Variants in DTX1 observed in about 807,000 individuals in gnomAD.
DTX1 encodes E3 ubiquitin-protein ligase DTX1.
Under a neutral mutation model 57.8 loss-of-function variants are expected in DTX1, and 26 were observed. The observed-to-expected ratio is 0.45, with a 90% CI of 0.33 to 0.62. The LOEUF (loss-of-function observed/expected upper bound fraction) is 0.62, where lower values mean the gene tolerates loss of function less well. Ranked by LOEUF, DTX1 falls within the 20% of genes least tolerant of loss-of-function variation. The pLI is 0.02. For missense variants in DTX1, 704 were observed against 895.3 expected, an observed-to-expected ratio of 0.79 and a Z score of 2.73; for synonymous variants, 398 against 394.1, an observed-to-expected ratio of 1.01 and a Z score of -0.12.
Position 113,093,152 on chromosome 12 carries a change from C to G in DTX1, c.942-10C>G, listed in dbSNP as rs1470264311. The stretch of plus-strand genomic sequence containing the variant: ...GAGTCCAGCTGCGGCCTCTTCTCTT[C>G]TCCCCGCAGGGTCCCCGCACTCCCG... On this transcript the variant is annotated splice_polypyrimidine_tract_variant and intron_variant, in intron 3 of 9. Coordinates refer to ENST00000548759, the MANE Select transcript of DTX1 (RefSeq NM_004416.3). This position sits in a 1 kb window ranked among gnomAD's most constrained non-coding sequence, Gnocchi z 4.2. 6.3e-7 allele frequency: 1 copy of G among 1,589,362 alleles called. No individual in the cohort carries two copies. Among genetic ancestry groups the G allele is most frequent in the Non-Finnish European group, 8.6e-7 (1 of 1,167,956 alleles).
At chr12:113,066,608 C>T (rs757991840) in intron 2 of DTX1, among the ~76,000 whole-genome samples, 1 of 152,058 alleles carries the variant, frequency 6.6e-6, no homozygotes, top group African/African-American at 2.4e-5. Context: ...GCCTCTGAGC[C>T]TCTGTTTCCT....
chr12:113,063,588 G>A (rs1014174767), intron 2 of DTX1, among the ~76,000 whole-genome samples: 6 of 152,256 alleles, frequency 3.9e-5, no homozygotes, highest in African/African-American at 2.4e-5. Flanking sequence ...AGCTGAGGCC[G>A]AGGGATGCCA....
At position 113,058,435 on chromosome 12, in the gene DTX1, G is replaced by A. The variant is rs1239210955; in HGVS notation, c.243G>A (p.Gln81=). 1 of 1,602,384 alleles carries A rather than the reference G, an allele frequency of 6.2e-7. No individual in the cohort carries two copies. Among genetic ancestry groups the A allele is most frequent in the African/African-American group, 1.3e-5 (1 of 75,044 alleles). The change falls in exon 2 of 10, where the codon CAG becomes CAA. Residue 81 remains glutamine, a synonymous_variant. Transcript: ENST00000548759. ...PYIIDLQSMH[Q]FRQDTGTMRP... ...TCATCGACCTGCAGTCCATGCACCA[G>A]TTTCGCCAGGACACAGGTGAGCAGA...
intron 7 of DTX1, 30 bp from the exon 8 acceptor site, chr12:113,095,012 G>T: frequency 6.2e-7 from 1 of 1,604,240 alleles, no homozygotes; most frequent in Non-Finnish European, 8.5e-7. Flanking sequence ...GGGGGGTGCT[G>T]GGAACTCACT....
chr12:113,057,435 T>A lies in DTX1; in HGVS notation c.-744-14T>A, dbSNP rs541093584. The A allele has an allele frequency of 6.6e-6, 1 of 152,422 alleles. No homozygotes were observed. Among genetic ancestry groups the A allele is most frequent in the Non-Finnish European group, 1.5e-5 (1 of 68,202 alleles). 9.4% of individuals were successfully genotyped at this position (152,422 alleles called of 1,614,324 possible). On this transcript the variant is annotated splice_polypyrimidine_tract_variant and intron_variant, in intron 1 of 9. Transcript: ENST00000548759. ...TCCTCTTAAAGGGCCCTCTCCCCTC[T>A]TGTCTCCTGGCAGGTCGCGAGCACG... is the stretch of plus-strand genomic sequence containing the variant.
At chr12:113,085,374 C>T (rs1372238256) in intron 3 of DTX1, among the ~76,000 whole-genome samples, 1 of 152,192 alleles carries the variant, frequency 6.6e-6, no homozygotes, top group Non-Finnish European at 1.5e-5. Context: ...TTTAAATCCA[C>T]CCTTGTCCCT....
Position 113,096,989 on chromosome 12 carries a change from T to C in DTX1, c.*50T>C. Reference sequence around the variant, plus strand: ...CCTGCTTTGCCCCTGGTCCGGCAAATGCCTCCTTCGCCAGGTGTGTCCTGG... The same window carrying C: ...CCTGCTTTGCCCCTGGTCCGGCAAACGCCTCCTTCGCCAGGTGTGTCCTGG... On this transcript the variant is annotated 3_prime_UTR_variant, in exon 10 of 10. Coordinates refer to ENST00000548759, the MANE Select transcript of DTX1 (RefSeq NM_004416.3). The C allele has an allele frequency of 6.5e-7, 1 of 1,541,948 alleles. No individual in the cohort carries two copies. Among genetic ancestry groups the C allele is most frequent in the Non-Finnish European group, 8.7e-7 (1 of 1,145,230 alleles).
In DTX1 at chr12:113,065,133, G is replaced by C. The variant is rs564357837; in HGVS notation, c.259+6682G>C. On this transcript the variant is annotated intron_variant, in intron 2 of 9. Coordinates refer to ENST00000548759, the MANE Select transcript of DTX1 (RefSeq NM_004416.3). ...TGCTGCCCTTTAGCAGCCAGGCCCC[G>C]GGGGACTCACAGCCACGCTGCAGGA... Among the ~76,000 whole-genome samples, 18 of 152,290 alleles carry C rather than the reference G, an allele frequency of 1.2e-4. No individual in the cohort carries two copies. In the East Asian group the frequency reaches 2.1e-3, roughly 18 times the overall value.
chr12:113,059,383 T>C (rs1350150975), intron 2 of DTX1, among the ~76,000 whole-genome samples: 19 of 152,088 alleles, frequency 1.2e-4, no homozygotes, highest in Admixed American at 1.2e-3. Context: ...CTGGTAGCCC[T>C]GTGTGTGGCT....
intron 3 of DTX1, among the ~76,000 whole-genome samples, chr12:113,086,461 G>A (rs370019731): frequency 7.2e-5 from 11 of 152,094 alleles, no homozygotes; most frequent in South Asian, 4.1e-4. Context: ...GGAAGGTTGC[G>A]GTTAGGACTT....
chr12:113,084,696 T>C (rs1470827891), intron 3 of DTX1, among the ~76,000 whole-genome samples: 1 of 152,238 alleles, frequency 6.6e-6, no homozygotes, highest in Non-Finnish European at 1.5e-5. Context: ...TTTACAGGCA[T>C]GTCTCTCTTA....
Position 113,096,828 on chromosome 12 carries a change from C to G in DTX1, c.1752C>G (p.Thr584=). 1 of 1,613,922 alleles carries G rather than the reference C, an allele frequency of 6.2e-7. No individual in the cohort carries two copies. The change falls in exon 10 of 10, where the codon ACC becomes ACG. Residue 584 remains threonine, a synonymous_variant. Coordinates refer to ENST00000548759, the MANE Select transcript of DTX1 (RefSeq NM_004416.3). The stretch of plus-strand genomic sequence containing the variant: ...TGTGGAACGAGATCCACCACAAGAC[C>G]GAGTTTGGATCCAACCTCACGGGCC... ...TVVWNEIHHK[T]EFGSNLTGHG... is the part of the protein sequence containing the mutation.
Position 113,094,838 on chromosome 12 carries a change from G to T in DTX1, c.1277G>T (p.Gly426Val), listed in dbSNP as rs1166725275. 6.2e-7 allele frequency: 1 copy of T among 1,613,834 alleles called. No individual in the cohort carries two copies. Among genetic ancestry groups the T allele is most frequent in the Non-Finnish European group, 8.5e-7 (1 of 1,179,968 alleles). Residue 426 changes from glycine to valine, a missense_variant, in exon 7 of 10, where the codon GGC (glycine) becomes GTC (valine). By Grantham distance (109) the Gly-to-Val change is moderately radical. Coordinates refer to ENST00000548759, the MANE Select transcript of DTX1 (RefSeq NM_004416.3). ...CTGGTCACAGCATCAGGCTACGAGG[G>T]CGTGCTTCGGCACAAGGGCGTGCGG... ...ERLVTASGYE[G>V]VLRHKGVRPE...
Position 113,077,317 on chromosome 12 carries a change from G to A in DTX1, c.260-107G>A, listed in dbSNP as rs117665842. On this transcript the variant is annotated intron_variant, in intron 2 of 9. Transcript: ENST00000548759. The surrounding 1 kb of genome is among the most constrained non-coding windows in gnomAD (Gnocchi z 7.8). ...CTGGGTGGACCCCCTGGAGGCCTGTGCTGACCCCCCAACCTCCCGCCCACC... is the reference window on the plus strand; with the variant it reads ...CTGGGTGGACCCCCTGGAGGCCTGTACTGACCCCCCAACCTCCCGCCCACC... 3.5e-3 allele frequency: 4,579 copies of A among 1,309,722 alleles called. 22 individuals carry two copies. The highest frequency in any genetic ancestry group is 3.8e-3 in the Non-Finnish European group (3,724 of 975,900). The allele number at this position is 1,309,722 out of a possible 1,614,324, so 81.1% of individuals were successfully genotyped here. A position where few individuals can be genotyped will look rare whatever the true frequency, so the allele number is the denominator to read the frequency against.
intron 2 of DTX1, among the ~76,000 whole-genome samples, chr12:113,074,898 C>T (rs577553745): frequency 1.4e-4 from 21 of 152,220 alleles, no homozygotes; most frequent in Middle Eastern, 6.8e-3. Context: ...CATCCGGAAG[C>T]GCAGGAGCTG....
chr12:113,057,097 G>T (rs886715563), intron 1 of DTX1, among the ~76,000 whole-genome samples, 153 bp downstream of exon 1: 1 of 152,024 alleles, frequency 6.6e-6, no homozygotes, highest in African/African-American at 2.4e-5. Context: ...TCCGCGACGC[G>T]ACCCCCGAGG....
intron 3 of DTX1, among the ~76,000 whole-genome samples, 192 bp from the exon 4 acceptor site, chr12:113,092,970 C>A (rs1390103778): frequency 6.6e-6 from 1 of 152,174 alleles, no homozygotes; most frequent in South Asian, 2.1e-4. Context: ...GGGCGGAGGT[C>A]CTGGCCACCC....
intron 2 of DTX1, among the ~76,000 whole-genome samples, chr12:113,074,825 T>C (rs1395488894): frequency 6.6e-6 from 1 of 152,020 alleles, no homozygotes; most frequent in African/African-American, 2.4e-5. Flanking sequence ...TACTGACAGA[T>C]TGGAGGTGGG....
At chr12:113,071,336 A>C (rs2044736719) in intron 2 of DTX1, among the ~76,000 whole-genome samples, 1 of 152,250 alleles carries the variant, frequency 6.6e-6, no homozygotes, top group Admixed American at 6.5e-5. Context: ...GTTCAGCTGG[A>C]AGAAGCCTGG....
Sources: allele counts gnomAD v4.1 joint callset (sites outside exome capture counted in the v4.1 genomes callset), GRCh38; gene constraint gnomAD v4.1.1; non-coding constraint Gnocchi (gnomAD v3.1); transcripts MANE v1.5; gene names NCBI Gene and HGNC (gene_info 2026-07-23, HGNC 2026-07-21).